MEI1: variants seen among roughly 807,000 people sequenced by gnomAD.
MEI1 encodes the protein meiosis inhibitor protein 1.
In MEI1, 103 loss-of-function variants were observed where a neutral mutation model predicts 146.2. The observed-to-expected ratio is 0.70, with a 90% CI of 0.60 to 0.83. The LOEUF (loss-of-function observed/expected upper bound fraction) is 0.83, where lower values mean the gene tolerates loss of function less well. Ranked by LOEUF, MEI1 falls within the 40% of genes least tolerant of loss-of-function variation. The probability of loss-of-function intolerance (pLI) is 0.00; values close to 1 mark genes in which losing one functional copy is unlikely to be tolerated. For synonymous variants in MEI1, 652 were observed against 628.2 expected, an observed-to-expected ratio of 1.04 and a Z score of -0.57; for missense variants, 1,529 against 1,533.0, an observed-to-expected ratio of 1.00 and a Z score of 0.04.
chr22:41,751,720 C>T (rs1289651923), intron 15 of MEI1, among the ~76,000 whole-genome samples: 14 of 141,990 alleles, frequency 9.9e-5, no homozygotes, highest in African/African-American at 3.5e-4. Context: ...TACAGTGAGC[C>T]AAGATCGTGC....
At position 41,781,271 on chromosome 22, in the gene MEI1, T is replaced by C; in HGVS notation, c.2816-13T>C. The C allele has an allele frequency of 6.2e-7, 1 of 1,601,448 alleles. No homozygotes were observed. The highest frequency in any genetic ancestry group is 8.5e-7 in the Non-Finnish European group (1 of 1,173,168). Reference sequence around the variant, plus strand: ...TTTGCGACAGGCCGACTGGGGACTTTCATCTCTTGCAGTAAGCAAGCTGTG... The same window carrying C: ...TTTGCGACAGGCCGACTGGGGACTTCCATCTCTTGCAGTAAGCAAGCTGTG... On this transcript the variant is annotated splice_polypyrimidine_tract_variant and intron_variant, in intron 22 of 30. Coordinates refer to ENST00000401548, the MANE Select transcript of MEI1 (RefSeq NM_152513.4).
chr22:41,750,006 G>A (rs1254913596), intron 15 of MEI1, among the ~76,000 whole-genome samples: 2 of 152,084 alleles, frequency 1.3e-5, no homozygotes, highest in African/African-American at 4.8e-5. Flanking sequence ...GGAGAGATCT[G>A]GGATTTAGAT....
At position 41,743,167 on chromosome 22, in the gene MEI1, C is replaced by G; in HGVS notation, c.1419C>G (p.Ser473=). 1.2e-6 allele frequency: 2 copies of G among 1,613,060 alleles called. No homozygotes were observed. The highest frequency in any genetic ancestry group is 1.7e-6 in the Non-Finnish European group (2 of 1,179,702). ...EAMLNRCAEF[S]QTLLSRRPLG... is the part of the protein sequence containing the mutation. ...TGCTAAACCGATGTGCGGAGTTTTC[C>G]CAGACCTTGCTGAGCAGGAGGCCCC... Residue 473 remains serine, a synonymous_variant, in exon 12 of 31, where the codon TCC becomes TCG. Transcript: ENST00000401548.
Position 41,732,242 on chromosome 22 carries a change from T to C in MEI1, c.1097-3T>C, listed in dbSNP as rs756575779. 71 of 1,605,390 alleles carry C rather than the reference T, an allele frequency of 4.4e-5. No individual in the cohort carries two copies. The South Asian group carries it at 6.3e-4, about 14-fold the overall frequency. ...TGGCCTCTGTCATGTCATCCTGTGG[T>C]AGGGATCGAGGCAGTGGTGAGGAGC... On this transcript the variant is annotated splice_polypyrimidine_tract_variant and splice_region_variant and intron_variant, in intron 9 of 30. Coordinates refer to ENST00000401548, the MANE Select transcript of MEI1 (RefSeq NM_152513.4).
chr22:41,699,513 C>G lies in MEI1; in HGVS notation c.-26C>G. ...GTGCAGTCTGCGCGGGAAAGAGTGC[C>G]GCCTCAGCTGAGGGCAAGCGAGGAG... is the stretch of plus-strand genomic sequence containing the variant. On this transcript the variant is annotated 5_prime_UTR_variant, in exon 1 of 31. Coordinates refer to ENST00000401548, the MANE Select transcript of MEI1 (RefSeq NM_152513.4). 1.9e-6 allele frequency: 3 copies of G among 1,594,200 alleles called. No homozygotes were observed. The highest frequency in any genetic ancestry group is 2.6e-6 in the Non-Finnish European group (3 of 1,170,492).
chr22:41,728,816 A>G (rs559135691), intron 7 of MEI1, among the ~76,000 whole-genome samples: 1 of 151,348 alleles, frequency 6.6e-6, no homozygotes, highest in East Asian at 1.9e-4. Context: ...AGTCATGTTC[A>G]CACGGCTGCA....
chr22:41,782,415 G>A (rs1487341449), intron 24 of MEI1, among the ~76,000 whole-genome samples: 1 of 152,170 alleles, frequency 6.6e-6, no homozygotes, highest in East Asian at 1.9e-4. Context: ...ATTACTGTTC[G>A]AGAAGGTGAT....
chr22:41,762,717 C>T (rs941264514), intron 18 of MEI1, among the ~76,000 whole-genome samples: 5 of 152,040 alleles, frequency 3.3e-5, no homozygotes, highest in African/African-American at 1.2e-4. Flanking sequence ...ATCTTTTAAG[C>T]ACAAATGTTT....
chr22:41,729,164 CAAAAAAAA>C (rs386395490), intron 7 of MEI1, among the ~76,000 whole-genome samples: 1 of 75,110 alleles, frequency 1.3e-5, no homozygotes, highest in Non-Finnish European at 2.3e-5. Context: ...GACTCCGTCT[CAAAAAAAA>C]AAAAAAAAAA....
intron 14 of MEI1, chr22:41,747,212 C>T (rs1255996391): frequency 6.6e-6 from 1 of 150,928 alleles, no homozygotes; most frequent in African/African-American, 2.4e-5. Flanking sequence ...TGGCTATGTA[C>T]AGAGCCTGAA....
In MEI1 at chr22:41,699,606, T is replaced by G; in HGVS notation, c.68T>G (p.Leu23Arg). Reference sequence around the variant, plus strand: ...AGGAGAGAGGAAGAGGCGGCGCTTCTATTCGAGAGGGCCCATTACCGGCAC... The same window carrying G: ...AGGAGAGAGGAAGAGGCGGCGCTTCGATTCGAGAGGGCCCATTACCGGCAC... ...GPRREEEAAL[L>R]FERAHYRHDP... is the part of the protein sequence containing the mutation. The change falls in exon 1 of 31, where the codon CTA becomes CGA. Residue 23 changes from leucine (L) to arginine (R), a missense_variant. Physicochemically the swap from Leu to Arg is moderately radical, Grantham distance 102. Coordinates refer to ENST00000401548, the MANE Select transcript of MEI1 (RefSeq NM_152513.4). The G allele has an allele frequency of 6.2e-7, 1 of 1,612,580 alleles. No individual in the cohort carries two copies. The highest frequency in any genetic ancestry group is 2.2e-5 in the East Asian group (1 of 44,860).
chr22:41,712,887 C>G (rs1469529600), intron 3 of MEI1, among the ~76,000 whole-genome samples: 1 of 149,256 alleles, frequency 6.7e-6, no homozygotes, highest in African/African-American at 2.5e-5. Flanking sequence ...CGGCTCACTA[C>G]AAACTCCACC....
chr22:41,780,591 T>C (rs2075706981), intron 22 of MEI1, among the ~76,000 whole-genome samples: 1 of 150,274 alleles, frequency 6.7e-6, no homozygotes, highest in African/African-American at 2.5e-5. Flanking sequence ...CTTTTTTTTT[T>C]TTTTTTTGAG....
chr22:41,785,865 A>ATTTTTATT (rs200537863), intron 26 of MEI1, among the ~76,000 whole-genome samples: 19 of 142,920 alleles, frequency 1.3e-4, no homozygotes, highest in Admixed American at 3.5e-4. Context: ...CACCCGGCCT[A>ATTTTTATT]TTTTTATTTT....
chr22:41,715,476 A>G (rs1337968130), intron 4 of MEI1, among the ~76,000 whole-genome samples: 1 of 151,674 alleles, frequency 6.6e-6, no homozygotes. Context: ...GCTCACTGCA[A>G]GCTCCGCCTC....
At chr22:41,786,265 C>T (rs2075983777) in intron 26 of MEI1, among the ~76,000 whole-genome samples, 1 of 152,108 alleles carries the variant, frequency 6.6e-6, no homozygotes, top group Non-Finnish European at 1.5e-5. Flanking sequence ...AGGCTGGTCT[C>T]GAACTCCTGG....
At chr22:41,774,037 G>A (rs2075321113) in intron 20 of MEI1, 1 of 152,160 alleles carries the variant, frequency 6.6e-6, no homozygotes, top group South Asian at 2.1e-4. Flanking sequence ...GTAATTAACA[G>A]CTGAAAACAA....
intron 9 of MEI1, among the ~76,000 whole-genome samples, chr22:41,730,877 C>CT (rs1328740318): frequency 6.6e-6 from 1 of 152,172 alleles, no homozygotes; most frequent in Non-Finnish European, 1.5e-5. Context: ...AAGGACACTT[C>CT]TTTTAGCCAC....
At chr22:41,775,797 T>C (rs1295741755) in intron 20 of MEI1, among the ~76,000 whole-genome samples, 1 of 152,040 alleles carries the variant, frequency 6.6e-6, no homozygotes, top group Non-Finnish European at 1.5e-5. Context: ...GGTTTCACCG[T>C]GTTAGCCAGG....
Sources: allele counts gnomAD v4.1 joint callset (sites outside exome capture counted in the v4.1 genomes callset), GRCh38; gene constraint gnomAD v4.1.1; transcripts MANE v1.5; gene names NCBI Gene and HGNC (gene_info 2026-07-23, HGNC 2026-07-21).